ACIN1: variants seen among roughly 807,000 people sequenced by gnomAD.
ACIN1 encodes apoptotic chromatin condensation inducer in the nucleus.
In ACIN1, 16 loss-of-function variants were observed where a neutral mutation model predicts 146.6. The observed-to-expected ratio is 0.11, with a 90% CI of 0.07 to 0.17. The LOEUF is 0.17. Ranked by LOEUF, ACIN1 falls within the 10% of genes least tolerant of loss-of-function variation. ACIN1 has a pLI of 1.00. For synonymous variants in ACIN1, 569 were observed against 582.7 expected (o/e 0.98, Z 0.34); for missense variants, 1,357 against 1,609.3 (o/e 0.84, Z 2.68).
chr14:23,095,191 G>C (rs754215722), upstream of ACIN1: 1 of 1,614,150 alleles, frequency 6.2e-7, no homozygotes. Context: ...CGAACGTACC[G>C]AGATGACCCC....
intron 9 of ACIN1, 39 bp from the exon 10 acceptor site, chr14:23,066,047 G>T (rs2047443602): frequency 1.3e-6 from 2 of 1,586,088 alleles, no homozygotes; most frequent in South Asian, 2.2e-5. Flanking sequence ...AAGAGAAAGA[G>T]AGACACCCCA....
At chr14:23,070,466 C>A (rs1036806226) in intron 8 of ACIN1, among the ~76,000 whole-genome samples, 1 of 152,074 alleles carries the variant, frequency 6.6e-6, no homozygotes. Context: ...CACACCCTCC[C>A]CCACACAGGC....
intron 7 of ACIN1, 98 bp downstream of exon 7, chr14:23,078,722 C>T: frequency 7.7e-7 from 1 of 1,294,592 alleles, no homozygotes; most frequent in Non-Finnish European, 1.1e-6. Flanking sequence ...TCTACTGAAC[C>T]TTGTCCAGAC....
chr14:23,063,292 C>T (rs1462380620), intron 13 of ACIN1, 144 bp downstream of exon 13: 11 of 1,225,122 alleles, frequency 9.0e-6, no homozygotes, highest in Non-Finnish European at 1.2e-5. Flanking sequence ...CCTCAAGTAG[C>T]TTACTTAATA....
At chr14:23,064,791 G>A (rs775982188) in intron 10 of ACIN1, 1 of 221,452 alleles carries the variant, frequency 4.5e-6, no homozygotes, top group Non-Finnish European at 8.3e-6. Flanking sequence ...CAGCTACTCA[G>A]GGTGCTGAAG....
chr14:23,068,652 G>A lies in ACIN1; in HGVS notation c.2265+824C>T. 3.0e-6 allele frequency: 3 copies of A among 985,798 alleles called. No individual in the cohort carries two copies. The highest frequency in any genetic ancestry group is 2.4e-6 in the Non-Finnish European group (2 of 829,958). The allele number at this position is 985,798 out of a possible 1,614,324, so 61.1% of individuals were successfully genotyped here. Reference sequence around the variant, plus strand: ...TTGGGCAGGGTTATATTTTACGGGCGGATTACCGTACATGAGGTACTTGGA... The same window carrying A: ...TTGGGCAGGGTTATATTTTACGGGCAGATTACCGTACATGAGGTACTTGGA... On this transcript the variant is annotated intron_variant, in intron 9 of 18. Coordinates refer to ENST00000605057, the MANE Select transcript of ACIN1 (RefSeq NM_001386863.1). This position sits in a 1 kb window ranked among gnomAD's most constrained non-coding sequence, Gnocchi z 4.3.
At chr14:23,064,729 T>C (rs189196428) in intron 10 of ACIN1, 12 of 450,330 alleles carry the variant, frequency 2.7e-5, no homozygotes, top group African/African-American at 1.8e-4. Context: ...AAACCCCATC[T>C]CTACTAAAAA....
Position 23,058,654 on chromosome 14 carries a change from A to T in ACIN1, c.*494T>A, listed in dbSNP as rs1248588654. ...AAAAATAAAAATTGAACAAAAGGAA[A>T]AGGTGGATATAAAGTGGAACCTGTG... On this transcript the variant is annotated 3_prime_UTR_variant, in exon 19 of 19. Coordinates refer to ENST00000605057, the MANE Select transcript of ACIN1 (RefSeq NM_001386863.1). The T allele has an allele frequency of 6.3e-6, 1 of 158,960 alleles. No individual in the cohort carries two copies. 9.8% of individuals were successfully genotyped at this position (158,960 alleles called of 1,614,324 possible). A position where few individuals can be genotyped will look rare whatever the true frequency, so the allele number is the denominator to read the frequency against.
intron 2 of ACIN1, among the ~76,000 whole-genome samples, chr14:23,091,248 G>C (rs2140239224): frequency 6.6e-6 from 1 of 152,074 alleles, no homozygotes. Flanking sequence ...TATCTTTTAG[G>C]CTAAATTCCT....
In ACIN1 at chr14:23,079,614, C is replaced by G. The variant is rs1308029174; in HGVS notation, c.1721G>C (p.Arg574Thr). ...CCTTGATCTGGACTCTGATGTTGAT[C>G]TGGAGCCCATCTTGGGTCTACCACG... ...NPRGRPKMGS[R>T]STSESRSRSR... The change falls in exon 6 of 19, where the codon AGA (arginine) becomes ACA (threonine). Residue 574 changes from arginine to threonine, a missense_variant. Physicochemically the swap from Arg to Thr is moderately conservative, Grantham distance 71. This residue lies in a region of ACIN1 where 771 missense variants were observed against 746.6 expected (regional missense o/e 1.03). Coordinates refer to ENST00000605057, the MANE Select transcript of ACIN1 (RefSeq NM_001386863.1). 1 of 1,614,032 alleles carries G rather than the reference C, an allele frequency of 6.2e-7. No homozygotes were observed. Among genetic ancestry groups the G allele is most frequent in the African/African-American group, 1.3e-5 (1 of 74,906 alleles).
At chr14:23,062,360 C>T in intron 15 of ACIN1, 56 bp downstream of exon 15, 4 of 1,606,288 alleles carry the variant, frequency 2.5e-6, no homozygotes, top group Middle Eastern at 3.3e-4. Context: ...CCTGCCCACA[C>T]TGGTCACAAA....
chr14:23,094,050 G>A (rs1480107270), intron 1 of ACIN1, among the ~76,000 whole-genome samples: 2 of 152,074 alleles, frequency 1.3e-5, no homozygotes, highest in South Asian at 2.1e-4. Flanking sequence ...CAAAGAGGAA[G>A]CTACAGAAGA....
chr14:23,095,019 C>G lies in ACIN1; in HGVS notation c.94G>C (p.Ala32Pro), dbSNP rs754589684. 3 of 1,611,448 alleles carry G rather than the reference C, an allele frequency of 1.9e-6. No individual in the cohort carries two copies. In the Admixed American group the frequency reaches 5.0e-5, roughly 27 times the overall value. ...LKAALEQRGLAKSGQKSALVK... is the reference protein window; with the variant it reads ...LKAALEQRGLPKSGQKSALVK... The stretch of plus-strand genomic sequence containing the variant: ...AGGGCACTCTTCTGCCCGCTCTTGG[C>G]TAGGCCTCGCTGCTCCAGTGCGGCC... The change falls in exon 1 of 19, where the codon GCC becomes CCC. Residue 32 changes from alanine (A) to proline (P), a missense_variant. Transcript: ENST00000605057.
chr14:23,088,703 T>C (rs1377590242), intron 4 of ACIN1, among the ~76,000 whole-genome samples: 5 of 152,258 alleles, frequency 3.3e-5, no homozygotes, highest in African/African-American at 7.2e-5. Flanking sequence ...GTTTAACATA[T>C]GTACTAACAA....
Position 23,068,453 on chromosome 14 carries a change from C to G in ACIN1, c.2265+1023G>C. ...ATACAAGTCTCTCCAGAACAGTGTT[C>G]TTCTTGGCCCCCTGATGTAAGCAAG... On this transcript the variant is annotated intron_variant, in intron 9 of 18. Transcript: ENST00000605057. The surrounding 1 kb of genome is among the most constrained non-coding windows in gnomAD (Gnocchi z 4.3). 1 of 985,888 alleles carries G rather than the reference C, an allele frequency of 1.0e-6. No homozygotes were observed. The highest frequency in any genetic ancestry group is 1.7e-5 in the African/African-American group (1 of 57,354). 61.1% of individuals were successfully genotyped at this position (985,888 alleles called of 1,614,324 possible). A position where few individuals can be genotyped will look rare whatever the true frequency, so the allele number is the denominator to read the frequency against.
At position 23,068,783 on chromosome 14, in the gene ACIN1, A is replaced by T. The variant is rs555092652; in HGVS notation, c.2265+693T>A. ...AACACACACCAGAAAAAGGCTACACACACAACAGTCCCTCCCACCTTGTTA... is the reference window on the plus strand; with the variant it reads ...AACACACACCAGAAAAAGGCTACACTCACAACAGTCCCTCCCACCTTGTTA... On this transcript the variant is annotated intron_variant, in intron 9 of 18. Coordinates refer to ENST00000605057, the MANE Select transcript of ACIN1 (RefSeq NM_001386863.1). This position sits in a 1 kb window ranked among gnomAD's most constrained non-coding sequence, Gnocchi z 4.3. The T allele has an allele frequency of 2.0e-6, 2 of 985,422 alleles. No homozygotes were observed. Among genetic ancestry groups the T allele is most frequent in the South Asian group, 9.4e-5 (2 of 21,276 alleles). 61.0% of individuals were successfully genotyped at this position (985,422 alleles called of 1,614,324 possible).
Position 23,068,232 on chromosome 14 carries a change from G to A in ACIN1, c.2265+1244C>T, listed in dbSNP as rs147452930. On this transcript the variant is annotated intron_variant, in intron 9 of 18. Coordinates refer to ENST00000605057, the MANE Select transcript of ACIN1 (RefSeq NM_001386863.1). The surrounding 1 kb of genome is among the most constrained non-coding windows in gnomAD (Gnocchi z 4.3). Reference sequence around the variant, plus strand: ...TCAGTGTTTTACAGCATGGCACTGCGATCACAAACTTTAGGAGGTCTTGGT... The same window carrying A: ...TCAGTGTTTTACAGCATGGCACTGCAATCACAAACTTTAGGAGGTCTTGGT... 1.6e-5 allele frequency: 16 copies of A among 985,718 alleles called. No individual in the cohort carries two copies. Among genetic ancestry groups the A allele is most frequent in the Middle Eastern group, 5.2e-4 (1 of 1,936 alleles). The allele number at this position is 985,718 out of a possible 1,614,324, so 61.1% of individuals were successfully genotyped here. A position where few individuals can be genotyped will look rare whatever the true frequency, so the allele number is the denominator to read the frequency against.
chr14:23,090,172 T>G, intron 3 of ACIN1, 71 bp from the exon 4 acceptor site: 1 of 1,544,250 alleles, frequency 6.5e-7, no homozygotes. Flanking sequence ...TGTAGAGGAG[T>G]GAAGGAGGTC....
intron 18 of ACIN1, among the ~76,000 whole-genome samples, chr14:23,060,245 A>G (rs2047234302): frequency 6.6e-6 from 1 of 152,006 alleles, no homozygotes. Context: ...CTGGGATTAC[A>G]GGCATGAGCC....
Sources: gnomAD v4.1 joint callset for allele counts (sites outside exome capture counted in the v4.1 genomes callset) on GRCh38, gnomAD v4.1.1 for gene constraint, gnomAD v4.1.1 regional missense constraint, Gnocchi (gnomAD v3.1) non-coding constraint, MANE v1.5 for transcripts, NCBI Gene and HGNC (gene_info 2026-07-23, HGNC 2026-07-21) for gene names.